CADPS: variants seen among roughly 807,000 people sequenced by gnomAD.
The protein encoded by CADPS is calcium dependent secretion activator.
In CADPS, 57 loss-of-function variants were observed where a neutral mutation model predicts 167.3. The ratio of observed to expected loss-of-function variants is 0.34; its 90% CI spans 0.28 to 0.42. The LOEUF is 0.42. CADPS is among the 20% of genes least tolerant of loss of function. CADPS has a pLI of 1.00. For missense variants in CADPS, 1,414 were observed against 1,738.1 expected, an observed-to-expected ratio of 0.81 and a Z score of 3.32; for synonymous variants, 676 against 635.3, an observed-to-expected ratio of 1.06 and a Z score of -0.96.
chr3:62,546,594 A>T (rs1355547), intron 11 of CADPS, among the ~76,000 whole-genome samples: 41,961 of 152,082 alleles, frequency 0.28, 7,072 homozygotes, highest in African/African-American at 0.49. Context: ...TCAGTATCCA[A>T]GGGTTCTGCA....
At chr3:62,573,161 C>T (rs367862083) in intron 8 of CADPS, among the ~76,000 whole-genome samples, 12 of 152,250 alleles carry the variant, frequency 7.9e-5, no homozygotes, top group East Asian at 7.7e-4. Context: ...GGCTTACAGG[C>T]GTGAGGTACC....
rs114683298 is a variant in CADPS, at chr3:62,561,343, C to T, written c.1645-3830G>A. 6.5e-3 allele frequency among the ~76,000 whole-genome samples: 990 copies of T among 152,100 alleles called. 5 individuals carry two copies. The highest frequency in any genetic ancestry group is 0.011 in the Non-Finnish European group (739 of 68,000). ...ACATGGCTCACTACATCCTTGACCT[C>T]CTGGGCTTAAGTGATCTTCCTGCTT... On this transcript the variant is annotated intron_variant, in intron 9 of 29. Coordinates refer to ENST00000383710, the MANE Select transcript of CADPS (RefSeq NM_003716.4).
chr3:62,689,869 G>C lies in CADPS; in HGVS notation c.889-27475C>G, dbSNP rs924166648. 4.0e-5 allele frequency among the ~76,000 whole-genome samples: 6 copies of C among 151,760 alleles called. No homozygotes were observed. In the East Asian group the frequency reaches 7.7e-4, roughly 20 times the overall value. Reference sequence around the variant, plus strand: ...TTCAAAAGGTGACAATGAGAGATGAGGGGGGGCGGCGTTCTAGCAGGAGAA... The same window carrying C: ...TTCAAAAGGTGACAATGAGAGATGACGGGGGGCGGCGTTCTAGCAGGAGAA... On this transcript the variant is annotated intron_variant, in intron 3 of 29. Transcript: ENST00000383710.
chr3:62,546,280 G>C (rs1330206730), intron 11 of CADPS, among the ~76,000 whole-genome samples: 4 of 152,100 alleles, frequency 2.6e-5, no homozygotes, highest in Admixed American at 2.0e-4. Context: ...TGTTATGACT[G>C]TTTTTCATCT....
chr3:62,442,482 G>C (rs2056505108), intron 27 of CADPS, among the ~76,000 whole-genome samples: 1 of 152,140 alleles, frequency 6.6e-6, no homozygotes, highest in Non-Finnish European at 1.5e-5. Flanking sequence ...GCCTCCCAAA[G>C]TGCTGGTATT....
chr3:62,592,662 G>A lies in CADPS; in HGVS notation c.1412C>T (p.Ala471Val), dbSNP rs753627499. The A allele has an allele frequency of 2.5e-6, 4 of 1,613,712 alleles. No individual in the cohort carries two copies. Among genetic ancestry groups the A allele is most frequent in the Non-Finnish European group, 2.5e-6 (3 of 1,179,744 alleles). ...KLFTESTGVL[A>V]LEDKELGRVI... ...CCGCCCAAGCTCCTTGTCCTCCAACGCCAGGACGCCTGTGCTCTCTGTGAA... is the reference window on the plus strand; with the variant it reads ...CCGCCCAAGCTCCTTGTCCTCCAACACCAGGACGCCTGTGCTCTCTGTGAA... Residue 471 changes from alanine (A) to valine (V), a missense_variant, in exon 7 of 30, where the codon GCG (alanine) becomes GTG (valine). Ala to Val is a moderately conservative substitution (Grantham distance 64, BLOSUM62 0). Coordinates refer to ENST00000383710, the MANE Select transcript of CADPS (RefSeq NM_003716.4).
At chr3:62,502,276 G>A (rs1328952369) in intron 17 of CADPS, among the ~76,000 whole-genome samples, 2 of 151,850 alleles carry the variant, frequency 1.3e-5, no homozygotes, top group South Asian at 2.1e-4. Flanking sequence ...CCCAACAGAG[G>A]TCAAGGAGAA....
intron 3 of CADPS, among the ~76,000 whole-genome samples, chr3:62,734,764 CT>C (rs1251557193): frequency 2.0e-5 from 3 of 152,076 alleles, no homozygotes; most frequent in Non-Finnish European, 4.4e-5. Context: ...TACAAATATT[CT>C]TGTGCATATC....
At chr3:62,841,417 A>G (rs181019347) in intron 1 of CADPS, among the ~76,000 whole-genome samples, 1 of 152,318 alleles carries the variant, frequency 6.6e-6, no homozygotes, top group East Asian at 1.9e-4. Context: ...TGCAAAATAC[A>G]AAGTATTTCA....
rs1367477382 is a variant in CADPS at position 62,516,110 on chromosome 3, G to A, written c.2530C>T (p.Gln844Ter). 6.2e-7 allele frequency: 1 copy of A among 1,613,244 alleles called. No homozygotes were observed. The highest frequency in any genetic ancestry group is 8.5e-7 in the Non-Finnish European group (1 of 1,179,470). ...VKTVIRKCLEQAALVNYSRLS... is the reference protein window; with the variant it reads ...VKTVIRKCLE ...CGAGAATAGTTGACTAACGCAGCCT[G>A]TTCCAGACATTTACGGATAACTGTT... Residue 844 changes from glutamine (Q) to a stop codon, truncating the protein, a stop_gained, in exon 16 of 30, where the codon CAG becomes TAG. Coordinates refer to ENST00000383710, the MANE Select transcript of CADPS (RefSeq NM_003716.4). LOFTEE classifies it high-confidence loss of function.
At chr3:62,405,612 G>A (rs1218943506) in intron 28 of CADPS, among the ~76,000 whole-genome samples, 1 of 152,136 alleles carries the variant, frequency 6.6e-6, no homozygotes, top group Non-Finnish European at 1.5e-5. Context: ...GGATAGGGAG[G>A]TAGAAATTGC....
intron 1 of CADPS, among the ~76,000 whole-genome samples, chr3:62,855,618 C>T (rs2153138988): frequency 6.6e-6 from 1 of 152,174 alleles, no homozygotes; most frequent in South Asian, 2.1e-4. Context: ...TTATGGTTAA[C>T]TTAAAAATAT....
At position 62,421,878 on chromosome 3, in the gene CADPS, CAGAA is replaced by C. The variant is rs2051490289; in HGVS notation, c.3777+16222_3777+16225del. ...AAGTTATAAAAAGAAAAGCCGAGGG[CAGAA>C]AATAGTATTACGCCACGAATGTCTT... is the stretch of plus-strand genomic sequence containing the variant. On this transcript the variant is annotated intron_variant, in intron 28 of 29. Coordinates refer to ENST00000383710, the MANE Select transcript of CADPS (RefSeq NM_003716.4). The surrounding 1 kb of genome is among the most constrained non-coding windows in gnomAD (Gnocchi z 4.7). 6.6e-6 allele frequency among the ~76,000 whole-genome samples: 1 copy of C among 152,136 alleles called. No homozygotes were observed. The highest frequency in any genetic ancestry group is 2.4e-5 in the African/African-American group (1 of 41,434).
chr3:62,546,660 A>G (rs2076501102), intron 11 of CADPS, among the ~76,000 whole-genome samples: 2 of 152,160 alleles, frequency 1.3e-5, no homozygotes, highest in Admixed American at 1.3e-4. Flanking sequence ...TTACATCCAT[A>G]CTGAACATGT....
intron 13 of CADPS, among the ~76,000 whole-genome samples, chr3:62,532,491 T>C (rs1577318684): frequency 1.3e-5 from 2 of 152,192 alleles, no homozygotes; most frequent in Non-Finnish European, 2.9e-5. Context: ...TGTTGAGCCC[T>C]TTATAGGTAC....
At chr3:62,736,193 A>C (rs933287940) in intron 3 of CADPS, among the ~76,000 whole-genome samples, 1 of 152,210 alleles carries the variant, frequency 6.6e-6, no homozygotes, top group Non-Finnish European at 1.5e-5. Flanking sequence ...AAATAGGAAG[A>C]TGTTCTCCTT....
chr3:62,745,298 C>T (rs1270025129), intron 3 of CADPS, among the ~76,000 whole-genome samples: 2 of 152,116 alleles, frequency 1.3e-5, no homozygotes, highest in Non-Finnish European at 2.9e-5. Flanking sequence ...GTCTTGAACT[C>T]CTCGTCTCAA....
chr3:62,583,901 C>T (rs932217749), intron 8 of CADPS, among the ~76,000 whole-genome samples: 6 of 152,242 alleles, frequency 3.9e-5, no homozygotes, highest in Admixed American at 3.3e-4. Context: ...GTCACGCCCT[C>T]CTGGACTTCA....
intron 3 of CADPS, among the ~76,000 whole-genome samples, chr3:62,709,951 T>C (rs2083073106): frequency 6.6e-6 from 1 of 151,260 alleles, no homozygotes; most frequent in Non-Finnish European, 1.5e-5. Flanking sequence ...TTTTGTATTT[T>C]AGTAGAGACA....
Sources: allele counts gnomAD v4.1 joint callset (sites outside exome capture counted in the v4.1 genomes callset), GRCh38; gene constraint gnomAD v4.1.1; non-coding constraint Gnocchi (gnomAD v3.1); transcripts MANE v1.5; gene names NCBI Gene and HGNC (gene_info 2026-07-23, HGNC 2026-07-21).